Variants in CALN1 observed in about 807,000 individuals in gnomAD.
The protein encoded by CALN1 is calcium-binding protein 8.
CALN1 carries 17 observed loss-of-function variants against 30.6 expected under a neutral mutation model. The ratio of observed to expected loss-of-function variants is 0.56; its 90% CI spans 0.38 to 0.83. CALN1 has a LOEUF of 0.83. Among genes scored for constraint, CALN1 ranks in the 40% least tolerant of loss-of-function variants. The pLI is 0.00. For synonymous variants in CALN1, 156 were observed against 131.4 expected, an observed-to-expected ratio of 1.19 and a Z score of -1.28; for missense variants, 291 against 354.9, an observed-to-expected ratio of 0.82 and a Z score of 1.45.
chr7:72,434,954 T>C (rs138554724), intron 1 of CALN1, among the ~76,000 whole-genome samples: 6 of 152,244 alleles, frequency 3.9e-5, no homozygotes, highest in African/African-American at 1.2e-4. Context: ...GGGCCACGCA[T>C]GGTGGCTCAC....
chr7:72,478,675 C>A, the CALN1 span, among the ~76,000 whole-genome samples: 5 of 151,972 alleles, frequency 3.3e-5, no homozygotes, highest in Non-Finnish European at 7.4e-5. Flanking sequence ...GCTTCCCCTG[C>A]TGCCTCCATG....
intron 3 of CALN1, among the ~76,000 whole-genome samples, chr7:72,221,554 T>G (rs1463025050): frequency 6.6e-6 from 1 of 152,112 alleles, no homozygotes; most frequent in Non-Finnish European, 1.5e-5. Context: ...TTTCCATAGT[T>G]CACTACATAA....
intron 5 of CALN1, among the ~76,000 whole-genome samples, chr7:71,831,611 C>T (rs974490668): frequency 6.6e-6 from 1 of 151,852 alleles, no homozygotes; most frequent in Non-Finnish European, 1.5e-5. Flanking sequence ...AGAGGCTGGG[C>T]GTTGTGGTTC....
intron 2 of CALN1, among the ~76,000 whole-genome samples, chr7:72,370,699 A>AT (rs370565743): frequency 1.4e-4 from 22 of 151,868 alleles, no homozygotes; most frequent in African/African-American, 3.9e-4. Context: ...CAATTGACAA[A>AT]TTTTTTTTCT....
At chr7:72,054,904 AAAAACAAAAC>A (rs879911287) in intron 4 of CALN1, among the ~76,000 whole-genome samples, 16 of 152,134 alleles carry the variant, frequency 1.1e-4, no homozygotes, top group African/African-American at 3.4e-4. Context: ...AAACTAAAAT[AAAAACAAAAC>A]AAAACAAAAC....
intron 4 of CALN1, among the ~76,000 whole-genome samples, chr7:72,086,932 T>C (rs1303682692): frequency 6.6e-6 from 1 of 152,078 alleles, no homozygotes; most frequent in Non-Finnish European, 1.5e-5. Context: ...CCTGACTTCA[T>C]CATGAAGTCA....
chr7:72,322,539 G>A (rs1381895296), intron 2 of CALN1, among the ~76,000 whole-genome samples: 1 of 152,046 alleles, frequency 6.6e-6, no homozygotes, highest in Non-Finnish European at 1.5e-5. Context: ...ATTCTGACCA[G>A]GAGTGAAATA....
chr7:71,895,459 C>T (rs1336866621), intron 5 of CALN1, among the ~76,000 whole-genome samples: 2 of 152,068 alleles, frequency 1.3e-5, no homozygotes, highest in African/African-American at 2.4e-5. Context: ...ATAAGATGAT[C>T]GTAGTTCTCA....
chr7:72,230,816 G>A lies in CALN1; in HGVS notation c.244+47870C>T, dbSNP rs79275920. ...GTGATAATTGGTTACAGCAACCACAGAAAACTAATATAGGCACAGTCGTTT... is the reference window on the plus strand; with the variant it reads ...GTGATAATTGGTTACAGCAACCACAAAAAACTAATATAGGCACAGTCGTTT... On this transcript the variant is annotated intron_variant, in intron 3 of 6. Coordinates refer to ENST00000395275, the MANE Select transcript of CALN1 (RefSeq NM_031468.4). 5.9e-4 allele frequency among the ~76,000 whole-genome samples: 90 copies of A among 152,358 alleles called. 1 individual carries two copies. In the East Asian group the frequency reaches 0.017, roughly 28 times the overall value.
chr7:72,361,949 T>G (rs1339741986), intron 2 of CALN1, among the ~76,000 whole-genome samples: 1 of 152,162 alleles, frequency 6.6e-6, no homozygotes, highest in Non-Finnish European at 1.5e-5. Context: ...ACACATTTTT[T>G]TCTTACGCAG....
intron 4 of CALN1, among the ~76,000 whole-genome samples, chr7:72,052,369 G>C (rs888707490): frequency 6.6e-6 from 1 of 152,142 alleles, no homozygotes; most frequent in Admixed American, 6.5e-5. Context: ...GTAGAGAGAA[G>C]ATACGGAGGA....
chr7:71,854,949 C>T (rs1158492028), intron 5 of CALN1, among the ~76,000 whole-genome samples: 3 of 152,192 alleles, frequency 2.0e-5, no homozygotes, highest in Non-Finnish European at 4.4e-5. Flanking sequence ...TGCTGCAATT[C>T]AAAACGATGC....
In CALN1 at chr7:72,215,574, CAA is replaced by C. The variant is rs1215022331; in HGVS notation, c.244+63110_244+63111del. 3.5e-5 allele frequency among the ~76,000 whole-genome samples: 4 copies of C among 113,930 alleles called. No individual in the cohort carries two copies. In the Admixed American group the frequency reaches 4.6e-4, roughly 13 times the overall value. 74.7% of individuals were successfully genotyped at this position (113,930 alleles called of 152,430 possible). On this transcript the variant is annotated intron_variant, in intron 3 of 6. Transcript: ENST00000395275. ...ACGCCACTGCACTCTAGCTGGGTGA[CAA>C]GAGCGAAACTCCTGCTCAAAAAAAA...
intron 2 of CALN1, among the ~76,000 whole-genome samples, chr7:72,386,291 G>T (rs993394222): frequency 4.6e-5 from 7 of 152,156 alleles, no homozygotes; most frequent in African/African-American, 1.7e-4. Flanking sequence ...AATACAGAAT[G>T]TGACAAATCA....
At chr7:72,280,487 C>T in intron 2 of CALN1, among the ~76,000 whole-genome samples, 1 of 152,320 alleles carries the variant, frequency 6.6e-6, no homozygotes, top group Non-Finnish European at 1.5e-5. Flanking sequence ...TATATTTAAA[C>T]AGAATACAAG....
chr7:72,430,431 A>C (rs1269510779), intron 1 of CALN1, among the ~76,000 whole-genome samples: 2 of 151,930 alleles, frequency 1.3e-5, no homozygotes, highest in Non-Finnish European at 2.9e-5. Context: ...TTAAACATAA[A>C]ATTTTACAGG....
chr7:72,303,406 T>C (rs1477497676), intron 2 of CALN1, among the ~76,000 whole-genome samples: 1 of 151,658 alleles, frequency 6.6e-6, no homozygotes, highest in African/African-American at 2.4e-5. Context: ...CTACTAAAAA[T>C]ACAAGCCAGG....
chr7:71,912,990 T>A (rs762090012), intron 5 of CALN1, among the ~76,000 whole-genome samples: 1 of 152,142 alleles, frequency 6.6e-6, no homozygotes, highest in African/African-American at 2.4e-5. Flanking sequence ...AAGCTGATTG[T>A]GAAGCAGCAC....
intron 3 of CALN1, among the ~76,000 whole-genome samples, chr7:72,231,992 T>C (rs1794137528): frequency 6.6e-6 from 1 of 152,180 alleles, no homozygotes. Flanking sequence ...AGAAGGAGCC[T>C]GACAGGTGTG....
Sources: allele counts gnomAD v4.1 joint callset (sites outside exome capture counted in the v4.1 genomes callset), GRCh38; gene constraint gnomAD v4.1.1; transcripts MANE v1.5; gene names NCBI Gene and HGNC (gene_info 2026-07-23, HGNC 2026-07-21).